Variants in XKR6 observed in about 807,000 individuals in gnomAD.
The protein encoded by XKR6 is XK-related protein 6.
Under a neutral mutation model 56.7 loss-of-function variants are expected in XKR6, and 22 were observed. The ratio of observed to expected loss-of-function variants is 0.39; its 90% CI spans 0.28 to 0.55. The LOEUF (loss-of-function observed/expected upper bound fraction) is 0.55. XKR6 is among the 20% of genes least tolerant of loss of function. The pLI is 0.66. For synonymous variants in XKR6, 524 were observed against 387.8 expected (o/e 1.35, Z -4.13); for missense variants, 852 against 889.0 (o/e 0.96, Z 0.53).
chr8:11,117,311 C>A (rs921559699), intron 1 of XKR6, among the ~76,000 whole-genome samples: 27 of 152,164 alleles, frequency 1.8e-4, no homozygotes, highest in African/African-American at 6.5e-4. Context: ...CTGACACATA[C>A]GCCTCTTGTC....
In XKR6 at chr8:10,925,830, G is replaced by T. The variant is rs78130065; in HGVS notation, c.765-1000C>A. The stretch of plus-strand genomic sequence containing the variant: ...AGCCTCAATTTCACCGGAACTCTCT[G>T]GAACTGTGTCTCCAAGGCAAGAGAA... On this transcript the variant is annotated intron_variant, in intron 1 of 2. Transcript: ENST00000416569. 4.2e-3 allele frequency among the ~76,000 whole-genome samples: 647 copies of T among 152,266 alleles called. 3 individuals are homozygous for T. The highest frequency in any genetic ancestry group is 7.2e-3 in the Non-Finnish European group (491 of 68,012).
At chr8:11,008,603 G>T (rs1469263342) in intron 1 of XKR6, among the ~76,000 whole-genome samples, 1 of 151,636 alleles carries the variant, frequency 6.6e-6, no homozygotes, top group African/African-American at 2.4e-5. Flanking sequence ...TCTTTTTTTA[G>T]TACATACGAC....
intron 1 of XKR6, among the ~76,000 whole-genome samples, chr8:11,182,063 G>A (rs541533089): frequency 6.6e-6 from 1 of 152,216 alleles, no homozygotes; most frequent in Non-Finnish European, 1.5e-5. Context: ...ACAGGCATGA[G>A]CCACCACGCC....
chr8:10,955,936 C>T (rs1458112264), intron 1 of XKR6, among the ~76,000 whole-genome samples: 4 of 152,210 alleles, frequency 2.6e-5, no homozygotes, highest in Non-Finnish European at 4.4e-5. Context: ...CCTTGTTGCC[C>T]TGGGCTTCAG....
At chr8:10,965,356 A>G (rs896313942) in intron 1 of XKR6, among the ~76,000 whole-genome samples, 3 of 152,334 alleles carry the variant, frequency 2.0e-5, no homozygotes, top group Admixed American at 6.5e-5. Context: ...TCCGAGCACC[A>G]CGGTCCCCCA....
At chr8:11,149,057 G>T (rs561913002) in intron 1 of XKR6, among the ~76,000 whole-genome samples, 2 of 152,320 alleles carry the variant, frequency 1.3e-5, no homozygotes, top group South Asian at 4.1e-4. Flanking sequence ...AACTGTGGGG[G>T]TCTCAGGACC....
chr8:11,174,639 C>T (rs1262731840), intron 1 of XKR6, among the ~76,000 whole-genome samples: 2 of 152,152 alleles, frequency 1.3e-5, no homozygotes, highest in African/African-American at 4.8e-5. Flanking sequence ...AAAGCGGCTG[C>T]GACTGTTACA....
At chr8:11,146,991 G>A (rs1801017282) in intron 1 of XKR6, among the ~76,000 whole-genome samples, 1 of 151,840 alleles carries the variant, frequency 6.6e-6, no homozygotes, top group Non-Finnish European at 1.5e-5. Context: ...GGGAGGTGAT[G>A]GTCAAAGGGA....
At chr8:10,946,069 G>A (rs1354034407) in intron 1 of XKR6, among the ~76,000 whole-genome samples, 1 of 152,006 alleles carries the variant, frequency 6.6e-6, no homozygotes, top group African/African-American at 2.4e-5. Flanking sequence ...CCATGCCCGT[G>A]ATGGGAAGGC....
chr8:11,003,992 G>C (rs376252568), intron 1 of XKR6, among the ~76,000 whole-genome samples: 4 of 152,148 alleles, frequency 2.6e-5, no homozygotes, highest in African/African-American at 9.7e-5. Context: ...AAGGAAGGGC[G>C]GGTGGCTGTG....
intron 2 of XKR6, among the ~76,000 whole-genome samples, chr8:10,922,629 C>T (rs1395141713): frequency 2.0e-5 from 3 of 152,202 alleles, no homozygotes; most frequent in Admixed American, 2.0e-4. Flanking sequence ...CATGTGTTTT[C>T]TCAGCGATCC....
chr8:11,052,362 T>A (rs896430123), intron 1 of XKR6, among the ~76,000 whole-genome samples: 3 of 152,320 alleles, frequency 2.0e-5, no homozygotes, highest in Non-Finnish European at 2.9e-5. Flanking sequence ...GCACTTGTCA[T>A]CTGAAATGAA....
At chr8:11,077,101 C>A (rs1800293816) in intron 1 of XKR6, among the ~76,000 whole-genome samples, 1 of 152,068 alleles carries the variant, frequency 6.6e-6, no homozygotes, top group Admixed American at 6.5e-5. Context: ...ACTTGAGCCT[C>A]AGGAGTTTGA....
At chr8:11,015,321 C>T (rs13439107) in intron 1 of XKR6, among the ~76,000 whole-genome samples, 6,165 of 152,186 alleles carry the variant, frequency 0.041, 428 homozygotes, top group African/African-American at 0.14. Flanking sequence ...GGATGCCCAA[C>T]TCTCTGGAAA....
intron 1 of XKR6, among the ~76,000 whole-genome samples, chr8:10,976,409 G>A (rs927039964): frequency 2.6e-5 from 4 of 152,072 alleles, no homozygotes; most frequent in African/African-American, 4.8e-5. Context: ...CCAGAGACCC[G>A]GAGGCATGCA....
chr8:10,984,695 G>GCTCGCTCTCT (rs1491394669), intron 1 of XKR6, among the ~76,000 whole-genome samples: 17 of 56,332 alleles, frequency 3.0e-4, no homozygotes, highest in Admixed American at 7.6e-4. Context: ...AAAATACATG[G>GCTCGCTCTCT]CTCTCTCTCT....
chr8:11,133,439 G>C (rs1017105127), intron 1 of XKR6, among the ~76,000 whole-genome samples: 14 of 152,100 alleles, frequency 9.2e-5, no homozygotes, highest in African/African-American at 3.4e-4. Flanking sequence ...GCCTCCTGGA[G>C]AGAGGGCAAA....
chr8:11,158,087 A>G (rs931718981), intron 1 of XKR6, among the ~76,000 whole-genome samples: 1 of 152,186 alleles, frequency 6.6e-6, no homozygotes, highest in African/African-American at 2.4e-5. Flanking sequence ...TGACTTTTCA[A>G]TTCTGAACCA....
At chr8:10,918,435 G>A (rs1463810238) in intron 2 of XKR6, among the ~76,000 whole-genome samples, 1 of 152,228 alleles carries the variant, frequency 6.6e-6, no homozygotes, top group Non-Finnish European at 1.5e-5. Context: ...GCACACATGT[G>A]TGTACTGGAC....
Sources: allele counts gnomAD v4.1 joint callset (sites outside exome capture counted in the v4.1 genomes callset), GRCh38; gene constraint gnomAD v4.1.1; transcripts MANE v1.5; gene names NCBI Gene and HGNC (gene_info 2026-07-23, HGNC 2026-07-21).